The following ABL1 variants were observed in gnomAD, a reference collection of about 807,000 sequenced individuals.
The protein encoded by ABL1 is tyrosine-protein kinase ABL1.
Under a neutral mutation model 94.7 loss-of-function variants are expected in ABL1, and 11 were observed. The ratio of observed to expected loss-of-function variants is 0.12; its 90% CI spans 0.07 to 0.19. The LOEUF (loss-of-function observed/expected upper bound fraction) is 0.19, where lower values mean the gene tolerates loss of function less well. Ranked by LOEUF, ABL1 falls within the 10% of genes least tolerant of loss-of-function variation. ABL1 has a pLI of 1.00. For synonymous variants in ABL1, 656 were observed against 622.4 expected, an observed-to-expected ratio of 1.05 and a Z score of -0.80; for missense variants, 1,082 against 1,489.4, an observed-to-expected ratio of 0.73 and a Z score of 4.50.
At chr9:130,866,363 C>T (rs994149218) in intron 4 of ABL1, among the ~76,000 whole-genome samples, 1 of 152,078 alleles carries the variant, frequency 6.6e-6, no homozygotes, top group Admixed American at 6.5e-5. Flanking sequence ...ATCACCTTTT[C>T]CCCCCACTCT....
intron 1 of ABL1, among the ~76,000 whole-genome samples, chr9:130,718,317 CAAA>C (rs35188504): frequency 4.1e-5 from 3 of 73,068 alleles, no homozygotes; most frequent in Non-Finnish European, 9.3e-5. Flanking sequence ...GACTCTGTCT[CAAA>C]AAAAAAAAAA....
rs1469594483 is a variant in ABL1 at position 130,814,273 on chromosome 9, G to A, written c.137-39791G>A. 3.4e-5 allele frequency among the ~76,000 whole-genome samples: 5 copies of A among 148,670 alleles called. No individual in the cohort carries two copies. Among genetic ancestry groups the A allele is most frequent in the South Asian group, 4.2e-4 (2 of 4,716 alleles). The stretch of plus-strand genomic sequence containing the variant: ...TTGCACTCCACCCTAGCGACAGAAC[G>A]AGACTCCGTCTCAAAAAAAAAAGAA... On this transcript the variant is annotated intron_variant, in intron 1 of 10. Transcript: ENST00000372348. The surrounding 1 kb of genome is among the most constrained non-coding windows in gnomAD (Gnocchi z 4.4).
At chr9:130,785,812 A>G (rs929699635) in intron 1 of ABL1, among the ~76,000 whole-genome samples, 3 of 151,004 alleles carry the variant, frequency 2.0e-5, no homozygotes, top group African/African-American at 4.9e-5. Flanking sequence ...AATCCCACCT[A>G]CTCAGGAGGC....
At chr9:130,809,694 G>C (rs1730321837) in intron 1 of ABL1, among the ~76,000 whole-genome samples, 1 of 152,150 alleles carries the variant, frequency 6.6e-6, no homozygotes, top group South Asian at 2.1e-4. Flanking sequence ...CTCAGGAAAG[G>C]GTCAGATTTT....
exon 1 of ABL1, among the ~76,000 whole-genome samples, chr9:130,713,300 T>A (rs2132659933): frequency 6.6e-6 from 1 of 152,220 alleles, no homozygotes; most frequent in South Asian, 2.1e-4. Context: ...CCGGGCCTCC[T>A]CTACACGGGG....
intron 1 of ABL1, among the ~76,000 whole-genome samples, chr9:130,796,766 T>TAAAA (rs11397002): frequency 2.0e-5 from 3 of 146,762 alleles, no homozygotes; most frequent in African/African-American, 7.5e-5. Flanking sequence ...TGCCTTTTGT[T>TAAAA]AAAAAAAAAA....
intron 1 of ABL1, among the ~76,000 whole-genome samples, chr9:130,790,201 G>A (rs1212969941): frequency 2.0e-5 from 3 of 152,242 alleles, no homozygotes; most frequent in African/African-American, 4.8e-5. Context: ...AGAAGATGAG[G>A]TTTAAATGTA....
Position 130,878,345 on chromosome 9 carries a change from C to T in ABL1, c.1271-70C>T. On this transcript the variant is annotated intron_variant, in intron 7 of 10. Transcript: ENST00000318560. Reference sequence around the variant, plus strand: ...CTTCTGAGGTCTGCTGCAAAGGTAACTGATTTTAAATGTAGTGTAGTGAAA... The same window carrying T: ...CTTCTGAGGTCTGCTGCAAAGGTAATTGATTTTAAATGTAGTGTAGTGAAA... The T allele has an allele frequency of 1.9e-6, 3 of 1,569,256 alleles. No homozygotes were observed. In the African/African-American group the frequency reaches 4.0e-5, roughly 21 times the overall value.
At chr9:130,748,289 A>G (rs1481080366) in intron 1 of ABL1, among the ~76,000 whole-genome samples, 1 of 152,240 alleles carries the variant, frequency 6.6e-6, no homozygotes, top group Non-Finnish European at 1.5e-5. Flanking sequence ...TTGTCGTTAT[A>G]CAGTATGGTA....
chr9:130,775,399 CAAGT>C (rs1377812972), intron 1 of ABL1, among the ~76,000 whole-genome samples: 1 of 151,704 alleles, frequency 6.6e-6, no homozygotes, highest in Non-Finnish European at 1.5e-5. Context: ...AAATAGAAAA[CAAGT>C]AAGGACTAAA....
intron 1 of ABL1, among the ~76,000 whole-genome samples, chr9:130,724,449 T>C (rs190395477): frequency 5.3e-5 from 8 of 152,250 alleles, no homozygotes; most frequent in African/African-American, 1.9e-4. Context: ...AATATACTTA[T>C]ATATGTTTAT....
At chr9:130,714,242 GCCATTTCCCT>G in exon 1 of ABL1, 1 of 1,410,214 alleles carries the variant, frequency 7.1e-7, no homozygotes, top group South Asian at 1.5e-5. Flanking sequence ...CCACGTATAT[GCCATTTCCCT>G]CTACGCTCGC....
intron 1 of ABL1, among the ~76,000 whole-genome samples, chr9:130,767,506 T>C (rs1832199137): frequency 1.3e-5 from 2 of 152,188 alleles, no homozygotes; most frequent in African/African-American, 2.4e-5. Context: ...CTAATTTTTG[T>C]ATTTTTAGTA....
At chr9:130,809,012 G>A (rs1406538266) in intron 1 of ABL1, among the ~76,000 whole-genome samples, 3 of 152,322 alleles carry the variant, frequency 2.0e-5, no homozygotes, top group African/African-American at 7.2e-5. Flanking sequence ...GCGGTGCGGG[G>A]AGAAGGAACA....
At chr9:130,728,805 TA>T in intron 1 of ABL1, among the ~76,000 whole-genome samples, 1 of 152,172 alleles carries the variant, frequency 6.6e-6, no homozygotes, top group South Asian at 2.1e-4. Context: ...CCGTGCCTGC[TA>T]ATTTAAATAT....
intron 1 of ABL1, among the ~76,000 whole-genome samples, chr9:130,825,147 T>A (rs1830408469): frequency 6.6e-6 from 1 of 152,224 alleles, no homozygotes; most frequent in Non-Finnish European, 1.5e-5. Flanking sequence ...TGGAGGAGAC[T>A]ATACTTTTAT....
intron 1 of ABL1, among the ~76,000 whole-genome samples, chr9:130,777,399 G>A (rs1283170379): frequency 1.3e-5 from 2 of 152,002 alleles, no homozygotes; most frequent in East Asian, 3.9e-4. Flanking sequence ...CTGACACACT[G>A]CATTAGTACC....
chr9:130,876,738 T>TC (rs1831351026), intron 7 of ABL1, among the ~76,000 whole-genome samples: 2 of 129,322 alleles, frequency 1.5e-5, no homozygotes, highest in South Asian at 4.7e-4. Context: ...GGTTTCTTTT[T>TC]TTTTTTTTTT....
rs768088805 is a variant in ABL1 at position 130,880,675 on chromosome 9, C to T, written c.1678+11C>T. On this transcript the variant is annotated intron_variant, in intron 10 of 10. Transcript: ENST00000318560. This position sits in a 1 kb window ranked among gnomAD's most constrained non-coding sequence, Gnocchi z 4.4. ...GCCAGGGAGAGAGCGGTAAGTCCCCCGCTTCCCCCAACCCCACTGCTCTTC... is the reference window on the plus strand; with the variant it reads ...GCCAGGGAGAGAGCGGTAAGTCCCCTGCTTCCCCCAACCCCACTGCTCTTC... The T allele has an allele frequency of 1.4e-5, 22 of 1,612,102 alleles. No homozygotes were observed. The highest frequency in any genetic ancestry group is 2.2e-5 in the East Asian group (1 of 44,850).
Sources: allele counts gnomAD v4.1 joint callset (sites outside exome capture counted in the v4.1 genomes callset), GRCh38; gene constraint gnomAD v4.1.1; non-coding constraint Gnocchi (gnomAD v3.1); transcripts MANE v1.5; gene names NCBI Gene and HGNC (gene_info 2026-07-23, HGNC 2026-07-21).